The following ZNF431 variants were observed in gnomAD, a reference collection of about 807,000 sequenced individuals.
ZNF431 encodes the protein zinc finger protein 431.
In ZNF431, 34 loss-of-function variants were observed where a neutral mutation model predicts 57.0. The observed-to-expected ratio is 0.60, with a 90% CI of 0.45 to 0.79. ZNF431 has a LOEUF of 0.79. Ranked by LOEUF, ZNF431 falls within the 30% of genes least tolerant of loss-of-function variation. ZNF431 has a pLI of 0.00. For missense variants in ZNF431, 607 were observed against 667.1 expected, an observed-to-expected ratio of 0.91 and a Z score of 0.99; for synonymous variants, 207 against 220.3, an observed-to-expected ratio of 0.94 and a Z score of 0.54.
chr19:21,183,989 C>A lies in ZNF431; in HGVS notation c.1686C>A (p.Tyr562Ter). ...SSNLIKQNNS[Y>*]WRETLQMSRM... is the part of the protein sequence containing the mutation. ...ACCTTATTAAACAAAATAATTCATA[C>A]TGGAGAGAAACTCTACAAATGTCAA... Residue 562 changes from tyrosine (Y) to a stop codon, truncating the protein, a stop_gained, in exon 5 of 5, where the codon TAC (tyrosine) becomes TAA (stop). Transcript: ENST00000311048. LOFTEE classifies it high-confidence loss of function. 1 of 1,586,630 alleles carries A rather than the reference C, an allele frequency of 6.3e-7. No homozygotes were observed. The highest frequency in any genetic ancestry group is 1.2e-5 in the South Asian group (1 of 85,126).
At chr19:21,175,338 T>G (rs1007872683) in intron 4 of ZNF431, 3 of 660,610 alleles carry the variant, frequency 4.5e-6, no homozygotes, top group Non-Finnish European at 5.4e-6. Flanking sequence ...TACATTATTT[T>G]TATTAAGTAA....
Position 21,167,584 on chromosome 19 carries a change from T to C in ZNF431, c.237T>C (p.Ser79=). ...KNLVFLGVAV[S]KQDPVTCLEQ... ...TTAATAAAGCAGGTGTTGCTGTCTC[T>C]AAGCAAGACCCAGTCACCTGTCTGG... The change falls in exon 4 of 5, where the codon TCT becomes TCC. Residue 79 remains serine, a synonymous_variant. Coordinates refer to ENST00000311048, the MANE Select transcript of ZNF431 (RefSeq NM_133473.4). 1 of 1,573,724 alleles carries C rather than the reference T, an allele frequency of 6.4e-7. No homozygotes were observed. The highest frequency in any genetic ancestry group is 8.6e-7 in the Non-Finnish European group (1 of 1,161,534).
intron 1 of ZNF431, among the ~76,000 whole-genome samples, 196 bp downstream of exon 1, chr19:21,142,382 C>T (rs1969965981): frequency 6.6e-6 from 1 of 152,212 alleles, no homozygotes; most frequent in Admixed American, 6.5e-5. Context: ...CCCAGGCGTC[C>T]TGTCTCTTCA....
chr19:21,143,077 A>T (rs1969984665), intron 1 of ZNF431, among the ~76,000 whole-genome samples: 1 of 152,152 alleles, frequency 6.6e-6, no homozygotes, highest in Admixed American at 6.5e-5. Context: ...GCTTGCAGTA[A>T]GATACTAAAT....
intron 1 of ZNF431, among the ~76,000 whole-genome samples, chr19:21,142,396 C>G (rs1246452673): frequency 6.6e-6 from 1 of 152,234 alleles, no homozygotes; most frequent in Non-Finnish European, 1.5e-5. Flanking sequence ...CTCTTCACTG[C>G]ACAGTGACTG....
At chr19:21,166,911 G>A (rs1039646453) in intron 3 of ZNF431, among the ~76,000 whole-genome samples, 1 of 152,012 alleles carries the variant, frequency 6.6e-6, no homozygotes, top group East Asian at 1.9e-4. Context: ...CACCCAGGCC[G>A]GAGTGCAATG....
intron 2 of ZNF431, among the ~76,000 whole-genome samples, chr19:21,165,827 C>G (rs1970705033): frequency 6.6e-6 from 1 of 152,006 alleles, no homozygotes; most frequent in Non-Finnish European, 1.5e-5. Context: ...TAATGTTTGA[C>G]AAAATAGTCT....
chr19:21,174,963 T>C (rs1971009292), intron 4 of ZNF431, among the ~76,000 whole-genome samples: 1 of 152,146 alleles, frequency 6.6e-6, no homozygotes, highest in Admixed American at 6.5e-5. Flanking sequence ...GGTTTCACCA[T>C]GTTGGTCAGG....
intron 2 of ZNF431, among the ~76,000 whole-genome samples, chr19:21,144,775 T>C (rs73028519): frequency 0.02 from 2,975 of 152,256 alleles, 40 homozygotes; most frequent in Non-Finnish European, 0.033. Flanking sequence ...TTCCATGAGA[T>C]AATGTGGTAG....
Position 21,191,896 on chromosome 19 carries a change from A to G in ZNF431, c.*7862A>G, listed in dbSNP as rs1971517692. 1 of 152,194 alleles carries G rather than the reference A, an allele frequency of 6.6e-6. No individual in the cohort carries two copies. The highest frequency in any genetic ancestry group is 2.4e-5 in the African/African-American group (1 of 41,462). The allele number at this position is 152,194 out of a possible 1,614,324, so 9.4% of individuals were successfully genotyped here. A position where few individuals can be genotyped will look rare whatever the true frequency, so the allele number is the denominator to read the frequency against. On this transcript the variant is annotated 3_prime_UTR_variant, in exon 5 of 5. Coordinates refer to ENST00000311048, the MANE Select transcript of ZNF431 (RefSeq NM_133473.4). The stretch of plus-strand genomic sequence containing the variant: ...GATATACTTTTAAAACTTTTCTATG[A>G]AGTATATCACGTATTTCGATAGAGG...
At chr19:21,152,511 A>G (rs546044748) in intron 2 of ZNF431, among the ~76,000 whole-genome samples, 1 of 152,338 alleles carries the variant, frequency 6.6e-6, no homozygotes, top group Non-Finnish European at 1.5e-5. Context: ...CAAAAAGAAT[A>G]GCAATGAATG....
At position 21,186,252 on chromosome 19, in the gene ZNF431, C is replaced by G; in HGVS notation, c.*2218C>G. On this transcript the variant is annotated 3_prime_UTR_variant, in exon 5 of 5. Transcript: ENST00000311048. ...GAGCCAAGATCACCCCACTGCACTC[C>G]AGCCTGGGCAACAGAGCGAGACTCC... 6.6e-6 allele frequency: 1 copy of G among 152,244 alleles called. No homozygotes were observed. The highest frequency in any genetic ancestry group is 1.5e-5 in the Non-Finnish European group (1 of 68,060). 9.4% of individuals were successfully genotyped at this position (152,244 alleles called of 1,614,324 possible).
In ZNF431 at chr19:21,191,324, G is replaced by C. The variant is rs896236039; in HGVS notation, c.*7290G>C. 2 of 152,066 alleles carry C rather than the reference G, an allele frequency of 1.3e-5. No homozygotes were observed. The highest frequency in any genetic ancestry group is 2.9e-5 in the Non-Finnish European group (2 of 68,030). The allele number at this position is 152,066 out of a possible 1,614,324, so 9.4% of individuals were successfully genotyped here. ...AAATATTAGCCGGGCGTGGTTGCAC[G>C]TGTCTATAATCTCAGCTACTCAGGA... On this transcript the variant is annotated 3_prime_UTR_variant, in exon 5 of 5. Transcript: ENST00000311048.
intron 2 of ZNF431, among the ~76,000 whole-genome samples, chr19:21,163,959 T>C (rs2144985197): frequency 6.6e-6 from 1 of 150,904 alleles, no homozygotes; most frequent in Middle Eastern, 3.4e-3. Context: ...TGTGTGTCTG[T>C]AATCCCAGCT....
At chr19:21,166,633 A>T (rs1599599564) in intron 3 of ZNF431, among the ~76,000 whole-genome samples, 172 bp downstream of exon 3, 1 of 152,142 alleles carries the variant, frequency 6.6e-6, no homozygotes, top group East Asian at 1.9e-4. Flanking sequence ...AACGTGTTTC[A>T]TCTTGATCTG....
intron 2 of ZNF431, among the ~76,000 whole-genome samples, chr19:21,161,787 G>T (rs1568303091): frequency 1.3e-5 from 2 of 151,992 alleles, no homozygotes; most frequent in African/African-American, 4.8e-5. Flanking sequence ...CCGAGTAGCT[G>T]GGATTACAGG....
intron 2 of ZNF431, among the ~76,000 whole-genome samples, chr19:21,147,553 G>A (rs1467354269): frequency 6.6e-6 from 1 of 151,176 alleles, no homozygotes; most frequent in Non-Finnish European, 1.5e-5. Flanking sequence ...CTTTTGAAGA[G>A]TACCAACACA....
chr19:21,166,283 G>T (rs1970718171), intron 2 of ZNF431, 52 bp from the exon 3 acceptor site: 1 of 1,586,328 alleles, frequency 6.3e-7, no homozygotes, highest in Non-Finnish European at 8.5e-7. Context: ...AATAAATTCT[G>T]CCCATGGCCA....
In ZNF431 at chr19:21,195,138, T is replaced by C. The variant is rs893895348; in HGVS notation, c.*11104T>C. On this transcript the variant is annotated 3_prime_UTR_variant, in exon 5 of 5. Transcript: ENST00000311048. ...CTGTGGCCCTGTGATTCAGCAGGTT[T>C]ATGGAGCAGTTAAGAATCGCAGATG... The C allele has an allele frequency of 2.6e-5, 4 of 152,148 alleles. No homozygotes were observed. Among genetic ancestry groups the C allele is most frequent in the Non-Finnish European group, 5.9e-5 (4 of 68,034 alleles). The allele number at this position is 152,148 out of a possible 1,614,324, so 9.4% of individuals were successfully genotyped here. A position where few individuals can be genotyped will look rare whatever the true frequency, so the allele number is the denominator to read the frequency against.
Sources: allele counts gnomAD v4.1 joint callset (sites outside exome capture counted in the v4.1 genomes callset), GRCh38; gene constraint gnomAD v4.1.1; transcripts MANE v1.5; gene names NCBI Gene and HGNC (gene_info 2026-07-23, HGNC 2026-07-21).